The following ADNP2 variants were observed in gnomAD, a reference collection of about 807,000 sequenced individuals.
ADNP2 encodes ADNP homeobox 2, also known as activity-dependent neuroprotector homeobox protein 2.
A neutral mutation model predicts 16.4 loss-of-function variants in ADNP2; 8 were observed. The ratio of observed to expected loss-of-function variants is 0.49; its 90% CI spans 0.29 to 0.88. The LOEUF (loss-of-function observed/expected upper bound fraction) is 0.88, where lower values mean the gene tolerates loss of function less well. ADNP2 is among the 40% of genes least tolerant of loss of function. ADNP2 has a pLI of 0.09. For missense variants in ADNP2, 1,397 were observed against 1,395.1 expected (o/e 1.00, Z -0.02); for synonymous variants, 637 against 545.8 (o/e 1.17, Z -2.33).
Position 80,136,383 on chromosome 18 carries a change from C to CCCG in ADNP2, c.971_972insCGC (p.Ala326dup). 6.2e-7 allele frequency: 1 copy of CCCG among 1,614,218 alleles called. No homozygotes were observed. The highest frequency in any genetic ancestry group is 8.5e-7 in the Non-Finnish European group (1 of 1,180,032). On this transcript the variant is annotated inframe_insertion, in exon 4 of 4. Transcript: ENST00000262198. ...CCCTGGAAGCCTCACTCATTCCCCC[C>CCCG]CTGCTGCTGGCCAATCCCACATGAC...
rs1214000181 is a variant in ADNP2, at chr18:80,138,662, G to T, written c.3249G>T (p.Trp1083Cys). The T allele has an allele frequency of 1.2e-6, 2 of 1,611,972 alleles. No homozygotes were observed. Among genetic ancestry groups the T allele is most frequent in the South Asian group, 2.2e-5 (2 of 90,016 alleles). ...TGTTGTCCTCACTCTTTTGGGTGTG[G>T]AAAATTGATGTGGCTTCATTTTTTG... is the stretch of plus-strand genomic sequence containing the variant. ...IELLSSLFWV[W>C]KIDVASFFGK... is the part of the protein sequence containing the mutation. The change falls in exon 4 of 4, where the codon TGG becomes TGT. Residue 1083 changes from tryptophan to cysteine, a missense_variant. Coordinates refer to ENST00000262198, the MANE Select transcript of ADNP2 (RefSeq NM_014913.4).
intron 2 of ADNP2, among the ~76,000 whole-genome samples, chr18:80,120,525 C>A (rs368015451): frequency 2.0e-5 from 3 of 151,758 alleles, no homozygotes; most frequent in Non-Finnish European, 2.9e-5. Flanking sequence ...TTTATTGAGT[C>A]GAGGTTTCAC....
Position 80,136,080 on chromosome 18 carries a change from A to T in ADNP2, c.667A>T (p.Asn223Tyr). The change falls in exon 4 of 4, where the codon AAT becomes TAT. Residue 223 changes from asparagine to tyrosine, a missense_variant. Physicochemically the swap from Asn to Tyr is moderately radical, Grantham distance 143 (BLOSUM62 -2). Coordinates refer to ENST00000262198, the MANE Select transcript of ADNP2 (RefSeq NM_014913.4). Reference protein sequence around the residue: ...DKYYCKKCNANASSQDALMYH... With the variant: ...DKYYCKKCNAYASSQDALMYH... Reference sequence around the variant, plus strand: ...ATATTACTGTAAAAAGTGCAACGCCAATGCCAGCAGCCAGGATGCGTTAAT... The same window carrying T: ...ATATTACTGTAAAAAGTGCAACGCCTATGCCAGCAGCCAGGATGCGTTAAT... The T allele has an allele frequency of 1.2e-6, 2 of 1,614,202 alleles. No individual in the cohort carries two copies. The highest frequency in any genetic ancestry group is 8.5e-7 in the Non-Finnish European group (1 of 1,180,002).
intron 1 of ADNP2, among the ~76,000 whole-genome samples, chr18:80,111,345 G>C (rs1209155485): frequency 1.3e-5 from 2 of 152,048 alleles, no homozygotes; most frequent in African/African-American, 4.8e-5. Flanking sequence ...CTGTGAATTA[G>C]GTCATACTCG....
At position 80,136,085 on chromosome 18, in the gene ADNP2, C is replaced by A. The variant is rs760174627; in HGVS notation, c.672C>A (p.Ala224=). ...KYYCKKCNAN[A]SSQDALMYHI... is the part of the protein sequence containing the mutation. ...ACTGTAAAAAGTGCAACGCCAATGC[C>A]AGCAGCCAGGATGCGTTAATGTATC... Residue 224 remains alanine (A), a synonymous_variant, in exon 4 of 4, where the codon GCC becomes GCA. Coordinates refer to ENST00000262198, the MANE Select transcript of ADNP2 (RefSeq NM_014913.4). The A allele has an allele frequency of 9.9e-6, 16 of 1,614,060 alleles. No individual in the cohort carries two copies. Among genetic ancestry groups the A allele is most frequent in the African/African-American group, 6.7e-5 (5 of 74,932 alleles).
intron 1 of ADNP2, chr18:80,110,003 TGAGTGACGGCA>T (rs1390948241): frequency 6.6e-6 from 1 of 152,348 alleles, no homozygotes; most frequent in Admixed American, 6.5e-5. Flanking sequence ...GGAGGAGCCT[TGAGTGACGGCA>T]GATGTAGGTC....
intron 2 of ADNP2, among the ~76,000 whole-genome samples, chr18:80,132,592 CTCTCTTT>C (rs2052503643): frequency 6.6e-6 from 1 of 151,602 alleles, no homozygotes; most frequent in African/African-American, 2.4e-5. Context: ...TCCTTCCTTC[CTCTCTTT>C]TCTCTTTCTC....
rs1479134322 is a variant in ADNP2 at position 80,135,944 on chromosome 18, C to A, written c.531C>A (p.Ala177=). The change falls in exon 4 of 4, where the codon GCC becomes GCA. Residue 177 remains alanine, a synonymous_variant. Transcript: ENST00000262198. The stretch of plus-strand genomic sequence containing the variant: ...GCATGAAGAAGCATGTGCTGGTAGC[C>A]CATTTTCACTACTTAATTAACTCCT... ...YYSMKKHVLV[A]HFHYLINSYF... 1 of 1,614,026 alleles carries A rather than the reference C, an allele frequency of 6.2e-7. No homozygotes were observed. The highest frequency in any genetic ancestry group is 8.5e-7 in the Non-Finnish European group (1 of 1,180,044).
intron 2 of ADNP2, among the ~76,000 whole-genome samples, chr18:80,127,541 T>C (rs919081668): frequency 2.0e-5 from 3 of 152,174 alleles, no homozygotes; most frequent in African/African-American, 7.2e-5. Context: ...CTTCTCTCGT[T>C]GCGTTCATGT....
At position 80,138,058 on chromosome 18, in the gene ADNP2, G is replaced by A; in HGVS notation, c.2645G>A (p.Gly882Asp). 6.2e-7 allele frequency: 1 copy of A among 1,613,746 alleles called. No homozygotes were observed. Among genetic ancestry groups the A allele is most frequent in the Non-Finnish European group, 8.5e-7 (1 of 1,180,036 alleles). ...KRVSTCPFCF[G>D]PFVTTEAYEL... Reference sequence around the variant, plus strand: ...GTGTCCACCTGCCCCTTTTGCTTTGGCCCCTTTGTGACAACTGAGGCCTAT... The same window carrying A: ...GTGTCCACCTGCCCCTTTTGCTTTGACCCCTTTGTGACAACTGAGGCCTAT... The change falls in exon 4 of 4, where the codon GGC becomes GAC. Residue 882 changes from glycine to aspartate, a missense_variant. Physicochemically the swap from Gly to Asp is moderately conservative, Grantham distance 94 (BLOSUM62 -1). Around this residue, in one of 3 missense-constraint regions of ADNP2, gnomAD observed 611 missense variants for 648.7 expected, o/e 0.94. Transcript: ENST00000262198.
At chr18:80,121,982 T>C (rs2052428289) in intron 2 of ADNP2, among the ~76,000 whole-genome samples, 1 of 152,112 alleles carries the variant, frequency 6.6e-6, no homozygotes, top group Admixed American at 6.5e-5. Context: ...AGTGACATGA[T>C]CTTGGCTCAC....
chr18:80,138,265 C>G lies in ADNP2; in HGVS notation c.2852C>G (p.Ala951Gly). Residue 951 changes from alanine (A) to glycine (G), a missense_variant, in exon 4 of 4, where the codon GCC becomes GGC. Ala to Gly is a moderately conservative substitution (Grantham distance 60, BLOSUM62 0). Transcript: ENST00000262198. ...AAGGACAGCAGCTCAGACCTGCAGG[C>G]CCAGCCGGGTTTTATTCACAACAGT... ...APKDSSSDLQ[A>G]QPGFIHNSEL... 2 of 1,614,096 alleles carry G rather than the reference C, an allele frequency of 1.2e-6. No individual in the cohort carries two copies. The highest frequency in any genetic ancestry group is 1.7e-6 in the Non-Finnish European group (2 of 1,180,040).
chr18:80,119,131 A>G (rs1466889027), intron 2 of ADNP2, among the ~76,000 whole-genome samples: 2 of 152,216 alleles, frequency 1.3e-5, no homozygotes, highest in African/African-American at 4.8e-5. Context: ...ATCAAATTGT[A>G]TAAGCTACTG....
Position 80,138,664 on chromosome 18 carries a change from A to T in ADNP2, c.3251A>T (p.Lys1084Ile). 6.2e-7 allele frequency: 1 copy of T among 1,612,190 alleles called. No individual in the cohort carries two copies. The highest frequency in any genetic ancestry group is 1.7e-4 in the Middle Eastern group (1 of 6,050). The change falls in exon 4 of 4, where the codon AAA becomes ATA. Residue 1084 changes from lysine to isoleucine, a missense_variant. Lys to Ile is a moderately radical substitution (Grantham distance 102, BLOSUM62 -3). Transcript: ENST00000262198. ...ELLSSLFWVW[K>I]IDVASFFGKR... ...TTGTCCTCACTCTTTTGGGTGTGGA[A>T]AATTGATGTGGCTTCATTTTTTGGA...
intron 3 of ADNP2, 47 bp downstream of exon 3, chr18:80,133,239 A>T: frequency 3.4e-6 from 5 of 1,461,432 alleles, no homozygotes; most frequent in Non-Finnish European, 4.8e-6. Flanking sequence ...AAAAGTGAGC[A>T]GTGACTGTAA....
chr18:80,137,353 G>T lies in ADNP2; in HGVS notation c.1940G>T (p.Gly647Val). Reference sequence around the variant, plus strand: ...ATGCCCATCCAGCTCCTGCCGTCAGGTGCAGCTGCACCAATGGCCGGTTCC... The same window carrying T: ...ATGCCCATCCAGCTCCTGCCGTCAGTTGCAGCTGCACCAATGGCCGGTTCC... ...PQMPIQLLPS[G>V]AAAPMAGSMP... is the part of the protein sequence containing the mutation. Residue 647 changes from glycine to valine, a missense_variant, in exon 4 of 4, where the codon GGT becomes GTT. Gly to Val is a moderately radical substitution (Grantham distance 109). Transcript: ENST00000262198. The surrounding 1 kb of genome is among the most constrained non-coding windows in gnomAD (Gnocchi z 4.2). 2 of 1,614,162 alleles carry T rather than the reference G, an allele frequency of 1.2e-6. No homozygotes were observed. The highest frequency in any genetic ancestry group is 2.2e-5 in the East Asian group (1 of 44,884).
At chr18:80,133,628 A>T (rs11660007) in intron 3 of ADNP2, 33,880 of 184,184 alleles carry the variant, frequency 0.18, 3,505 homozygotes, top group Middle Eastern at 0.23. Context: ...ATTCAGGCTA[A>T]AACATGAGCC....
chr18:80,137,421 C>T lies in ADNP2; in HGVS notation c.2008C>T (p.Gln670Ter). The change falls in exon 4 of 4, where the codon CAG (glutamine) becomes TAG (stop). Residue 670 changes from glutamine (Q) to a stop codon, truncating the protein, a stop_gained. Transcript: ENST00000262198. LOFTEE classifies it low-confidence loss of function (END_TRUNC). The surrounding 1 kb of genome is among the most constrained non-coding windows in gnomAD (Gnocchi z 4.2). ...TCCTCCAGTGCTGGTGAATGCTGCT[C>T]AGAGCGTGTTTGTTCAGGCCTCCTC... ...PSPPVLVNAA[Q>*]SVFVQASSSA... 6.2e-7 allele frequency: 1 copy of T among 1,614,192 alleles called. No individual in the cohort carries two copies. The highest frequency in any genetic ancestry group is 1.3e-5 in the African/African-American group (1 of 75,062).
In ADNP2 at chr18:80,136,602, C is replaced by A. The variant is rs772902577; in HGVS notation, c.1189C>A (p.Arg397Ser). The change falls in exon 4 of 4, where the codon CGC (arginine) becomes AGC (serine). Residue 397 changes from arginine to serine, a missense_variant. Coordinates refer to ENST00000262198, the MANE Select transcript of ADNP2 (RefSeq NM_014913.4). ...TSVLPINQTV[R>S]PGVLPLTQPV... ...TGTCCTCCCCATAAATCAGACTGTT[C>A]GCCCTGGGGTTTTACCCCTCACCCA... The A allele has an allele frequency of 1.2e-6, 2 of 1,614,086 alleles. No homozygotes were observed. The highest frequency in any genetic ancestry group is 1.7e-6 in the Non-Finnish European group (2 of 1,180,044).
Sources: gnomAD v4.1 joint callset for allele counts (sites outside exome capture counted in the v4.1 genomes callset) on GRCh38, gnomAD v4.1.1 for gene constraint, gnomAD v4.1.1 regional missense constraint, Gnocchi (gnomAD v3.1) non-coding constraint, MANE v1.5 for transcripts, NCBI Gene and HGNC (gene_info 2026-07-23, HGNC 2026-07-21) for gene names.